The following ZPBP variants were observed in gnomAD, a reference collection of about 807,000 sequenced individuals.
ZPBP encodes the protein zona pellucida-binding protein 1.
A neutral mutation model predicts 44.8 loss-of-function variants in ZPBP; 26 were observed. The observed-to-expected ratio is 0.58, with a 90% CI of 0.43 to 0.81. The LOEUF is 0.81. Among genes scored for constraint, ZPBP ranks in the 30% least tolerant of loss-of-function variants. The pLI is 0.00. For missense variants in ZPBP, 409 were observed against 434.0 expected (o/e 0.94, Z 0.51); for synonymous variants, 174 against 153.2 (o/e 1.14, Z -1.00).
At chr7:50,006,316 C>T (rs555777364) in intron 6 of ZPBP, among the ~76,000 whole-genome samples, 8 of 152,110 alleles carry the variant, frequency 5.3e-5, no homozygotes, top group African/African-American at 1.4e-4. Flanking sequence ...TGACAAAATA[C>T]TTTTTCCTAA....
rs560046044 is a variant in ZPBP at position 49,870,042 on chromosome 7, C to T, written n.510-19528G>A. On this transcript the variant is annotated intron_variant and non_coding_transcript_variant, in intron 2 of 2. Transcript: ENST00000465922. ...AGTTGAAATTCAAGAACAGGAAAAC[C>T]GATCTATGGTGGTAGAAGACAGAAG... 1.4e-4 allele frequency among the ~76,000 whole-genome samples: 21 copies of T among 152,186 alleles called. 1 individual carries two copies. The East Asian group carries it at 2.5e-3, about 18-fold the overall frequency.
chr7:49,974,932 CG>C (rs1796441419), intron 7 of ZPBP, among the ~76,000 whole-genome samples: 1 of 22,652 alleles, frequency 4.4e-5, no homozygotes, highest in African/African-American at 1.8e-4. Flanking sequence ...AGACCCAGCA[CG>C]GGGAAATGGA....
chr7:49,932,867 C>T (rs1434505043), downstream of ZPBP, among the ~76,000 whole-genome samples: 6 of 152,128 alleles, frequency 3.9e-5, no homozygotes, highest in African/African-American at 1.4e-4. Context: ...CTCACAAGAT[C>T]TGATGGTTTT....
At chr7:49,854,134 T>C (rs1306379458) in intron 2 of ZPBP, among the ~76,000 whole-genome samples, 1 of 152,196 alleles carries the variant, frequency 6.6e-6, no homozygotes, top group Non-Finnish European at 1.5e-5. Context: ...TTTGGGTTGG[T>C]TCCAAGTCTT....
intron 3 of ZPBP, among the ~76,000 whole-genome samples, chr7:50,069,598 A>G (rs1801728671): frequency 6.6e-6 from 1 of 152,196 alleles, no homozygotes; most frequent in African/African-American, 2.4e-5. Context: ...TCTAATTCAC[A>G]GTATGTCCTC....
chr7:49,985,886 C>G (rs552352163), intron 6 of ZPBP, among the ~76,000 whole-genome samples: 1 of 152,304 alleles, frequency 6.6e-6, no homozygotes, highest in East Asian at 1.9e-4. Context: ...ATGCCTTAAG[C>G]AGTGAGAAGA....
intron 6 of ZPBP, among the ~76,000 whole-genome samples, chr7:50,006,891 T>TA (rs1798335523): frequency 1.3e-5 from 2 of 151,824 alleles, no homozygotes; most frequent in African/African-American, 4.8e-5. Flanking sequence ...AGTAAAAAAA[T>TA]AAGAGAATAT....
intron 2 of ZPBP, among the ~76,000 whole-genome samples, chr7:49,872,993 A>T (rs1010895987): frequency 6.6e-6 from 1 of 151,474 alleles, no homozygotes; most frequent in Non-Finnish European, 1.5e-5. Context: ...AATAATTAAT[A>T]AAAAAATCTG....
chr7:49,936,027 A>G (rs1265230433), downstream of ZPBP: 1 of 152,246 alleles, frequency 6.6e-6, no homozygotes, highest in Non-Finnish European at 1.5e-5. Flanking sequence ...GTAAGCAAAC[A>G]TAAGGAACAA....
chr7:49,912,327 T>G lies in ZPBP; in HGVS notation n.412-11112A>C, dbSNP rs77660393. 24,369 of 791,040 alleles carry G rather than the reference T, an allele frequency of 0.031. 428 individuals are homozygous for G. The highest frequency in any genetic ancestry group is 0.038 in the Middle Eastern group (110 of 2,900). The allele number at this position is 791,040 out of a possible 1,614,324, so 49.0% of individuals were successfully genotyped here. On this transcript the variant is annotated intron_variant and non_coding_transcript_variant, in intron 1 of 2. Coordinates refer to the ZPBP transcript ENST00000465922. ...TTGTTGGTACTTTTCCTTTTCTTGATAACAGTTACTACAACAGAAGGAAAT... is the reference window on the plus strand; with the variant it reads ...TTGTTGGTACTTTTCCTTTTCTTGAGAACAGTTACTACAACAGAAGGAAAT...
intron 4 of ZPBP, among the ~76,000 whole-genome samples, chr7:50,048,216 G>T (rs1800485415): frequency 6.6e-6 from 1 of 151,966 alleles, no homozygotes; most frequent in African/African-American, 2.4e-5. Flanking sequence ...ATATCAGGAA[G>T]AAAGAACAAT....
intron 3 of ZPBP, 98 bp from the exon 4 acceptor site, chr7:50,058,239 C>T: frequency 1.5e-6 from 2 of 1,323,370 alleles, no homozygotes. Flanking sequence ...TTTACCAACA[C>T]AGTCAATGAA....
chr7:50,073,833 T>C lies in ZPBP; in HGVS notation c.334+7941A>G, dbSNP rs187205637. On this transcript the variant is annotated intron_variant, in intron 3 of 7. Transcript: ENST00000046087. The stretch of plus-strand genomic sequence containing the variant: ...ATATCCTTCAAACATGAAGGAGAAA[T>C]AGACTTTCCCAGACACACAAAAGCT... 5.6e-3 allele frequency among the ~76,000 whole-genome samples: 848 copies of C among 152,108 alleles called. 13 individuals carry two copies. Among genetic ancestry groups the C allele is most frequent in the African/African-American group, 0.02 (810 of 41,512 alleles).
At chr7:49,921,220 C>G (rs1454247292) in intron 1 of ZPBP, 2 of 152,158 alleles carry the variant, frequency 1.3e-5, no homozygotes, top group African/African-American at 2.4e-5. Flanking sequence ...TTCAGGAAAC[C>G]AGGGTGAGAA....
chr7:49,846,225 C>T (rs757606753), downstream of ZPBP, among the ~76,000 whole-genome samples: 5 of 152,152 alleles, frequency 3.3e-5, no homozygotes, highest in African/African-American at 4.8e-5. Context: ...TGCAAAGAGT[C>T]GCCCCCAAGA....
chr7:49,899,954 GAAAT>G (rs1416235924), intron 2 of ZPBP, among the ~76,000 whole-genome samples: 3 of 151,770 alleles, frequency 2.0e-5, no homozygotes, highest in Non-Finnish European at 4.4e-5. Context: ...TTGAAAAATG[GAAAT>G]CATACAATAG....
At chr7:49,987,610 T>C (rs1797353306) in intron 6 of ZPBP, among the ~76,000 whole-genome samples, 1 of 152,144 alleles carries the variant, frequency 6.6e-6, no homozygotes, top group Non-Finnish European at 1.5e-5. Flanking sequence ...AGCCTTGCTT[T>C]AAGCCTTTTT....
At chr7:49,972,369 T>C (rs1796335304) in intron 7 of ZPBP, among the ~76,000 whole-genome samples, 1 of 152,044 alleles carries the variant, frequency 6.6e-6, no homozygotes, top group Admixed American at 6.6e-5. Context: ...AAATCTTTTA[T>C]ATCTAATACA....
In ZPBP at chr7:50,026,252, T is replaced by A. The variant is rs560900221; in HGVS notation, c.706+4840A>T. On this transcript the variant is annotated intron_variant, in intron 5 of 7. Transcript: ENST00000046087. Reference sequence around the variant, plus strand: ...CAATCTATTAAAGAAGATATAACATTTATAACTATATAGGCCTCTAACAAC... The same window carrying A: ...CAATCTATTAAAGAAGATATAACATATATAACTATATAGGCCTCTAACAAC... Among the ~76,000 whole-genome samples, 3 of 131,888 alleles carry A rather than the reference T, an allele frequency of 2.3e-5. No homozygotes were observed. In the South Asian group the frequency reaches 7.4e-4, roughly 33 times the overall value. The allele number at this position is 131,888 out of a possible 152,430, so 86.5% of individuals were successfully genotyped here.
Sources: gnomAD v4.1 joint callset for allele counts (sites outside exome capture counted in the v4.1 genomes callset) on GRCh38, gnomAD v4.1.1 for gene constraint, MANE v1.5 for transcripts, NCBI Gene and HGNC (gene_info 2026-07-23, HGNC 2026-07-21) for gene names.